SH3RF1: variants seen among roughly 807,000 people sequenced by gnomAD.
The protein encoded by SH3RF1 is SH3 domain containing ring finger 1.
In SH3RF1, 32 loss-of-function variants were observed where a neutral mutation model predicts 74.0. The observed-to-expected ratio is 0.43, with a 90% CI of 0.33 to 0.58. The LOEUF (loss-of-function observed/expected upper bound fraction) is 0.58. SH3RF1 is among the 20% of genes least tolerant of loss of function. The pLI is 0.05. For synonymous variants in SH3RF1, 396 were observed against 439.6 expected, an observed-to-expected ratio of 0.90 and a Z score of 1.24; for missense variants, 954 against 1,130.9, an observed-to-expected ratio of 0.84 and a Z score of 2.24.
chr4:169,260,193 C>A (rs931671072), intron 2 of SH3RF1, among the ~76,000 whole-genome samples: 8 of 152,206 alleles, frequency 5.3e-5, no homozygotes, highest in African/African-American at 1.9e-4. Context: ...AACTGACATA[C>A]TGCCCCTACT....
chr4:169,156,544 T>C lies in SH3RF1; in HGVS notation c.529A>G (p.Asn177Asp), dbSNP rs1171543535. Residue 177 changes from asparagine to aspartate, a missense_variant, in exon 3 of 12, where the codon AAT (asparagine) becomes GAT (aspartate). Coordinates refer to ENST00000284637, the MANE Select transcript of SH3RF1 (RefSeq NM_020870.4). Reference protein sequence around the residue: ...VDENWYHGEVNGIHGFFPTNF... With the variant: ...VDENWYHGEVDGIHGFFPTNF... ...GTGGGGAAAAAGCCATGGATTCCAT[T>C]GACTTCCCCATGGTACCAATTTTCA... 6.2e-7 allele frequency: 1 copy of C among 1,614,158 alleles called. No homozygotes were observed. Among genetic ancestry groups the C allele is most frequent in the Non-Finnish European group, 8.5e-7 (1 of 1,180,008 alleles).
chr4:169,235,401 T>G (rs9992787), intron 2 of SH3RF1, among the ~76,000 whole-genome samples: 9,408 of 152,300 alleles, frequency 0.062, 438 homozygotes, highest in Admixed American at 0.15. Flanking sequence ...TATAGTGACA[T>G]GCACACAATT....
At chr4:169,171,995 T>C (rs74698218) in intron 2 of SH3RF1, among the ~76,000 whole-genome samples, 2,641 of 152,298 alleles carry the variant, frequency 0.017, 71 homozygotes, top group African/African-American at 0.061. Flanking sequence ...GGGGAATTAA[T>C]TACAGCTACA....
rs144452780 is a variant in SH3RF1 at position 169,095,923 on chromosome 4, T to G, written c.*596A>C. 1 of 152,212 alleles carries G rather than the reference T, an allele frequency of 6.6e-6. No homozygotes were observed. Among genetic ancestry groups the G allele is most frequent in the Non-Finnish European group, 1.5e-5 (1 of 68,058 alleles). 9.4% of individuals were successfully genotyped at this position (152,212 alleles called of 1,614,324 possible). Reference sequence around the variant, plus strand: ...TCTGTCTCTCTACCCCAGGCCCTAATTGATACTGATTCATTTGTATGTTTG... The same window carrying G: ...TCTGTCTCTCTACCCCAGGCCCTAAGTGATACTGATTCATTTGTATGTTTG... On this transcript the variant is annotated 3_prime_UTR_variant, in exon 12 of 12. Transcript: ENST00000284637.
chr4:169,149,414 T>C (rs371905887), intron 4 of SH3RF1, among the ~76,000 whole-genome samples: 1 of 152,150 alleles, frequency 6.6e-6, no homozygotes, highest in Non-Finnish European at 1.5e-5. Context: ...ATCAAGTGGA[T>C]AGCATTCAGA....
At chr4:169,141,639 C>CTTT in intron 4 of SH3RF1, among the ~76,000 whole-genome samples, 1 of 139,796 alleles carries the variant, frequency 7.2e-6, no homozygotes, top group Non-Finnish European at 1.6e-5. Context: ...GATATAAATA[C>CTTT]TTTTTTTTTT....
chr4:169,228,140 TA>T (rs1225399710), intron 2 of SH3RF1, among the ~76,000 whole-genome samples: 1 of 152,216 alleles, frequency 6.6e-6, no homozygotes, highest in Non-Finnish European at 1.5e-5. Context: ...GTACATATTC[TA>T]AATGTATACC....
intron 2 of SH3RF1, among the ~76,000 whole-genome samples, chr4:169,262,149 T>C (rs1731289157): frequency 6.6e-6 from 1 of 152,298 alleles, no homozygotes. Context: ...AGAGATTTCA[T>C]AGATATAGTA....
At chr4:169,113,353 A>C (rs1002700099) in intron 10 of SH3RF1, among the ~76,000 whole-genome samples, 1 of 152,108 alleles carries the variant, frequency 6.6e-6, no homozygotes, top group African/African-American at 2.4e-5. Flanking sequence ...CAGGTGATAC[A>C]CCAGCTTTGG....
intron 2 of SH3RF1, among the ~76,000 whole-genome samples, chr4:169,234,349 T>C (rs749924349): frequency 3.5e-4 from 53 of 152,168 alleles, no homozygotes; most frequent in Admixed American, 6.5e-4. Context: ...CAGTCTAAAA[T>C]GTCAAGAGTG....
chr4:169,136,212 A>G lies in SH3RF1; in HGVS notation c.1068+106T>C, dbSNP rs141998852. The stretch of plus-strand genomic sequence containing the variant: ...GCTTCCCAGAAAAGTTACTATCTTC[A>G]GAAGTTCAAAATAAGCAATGTTTGT... On this transcript the variant is annotated intron_variant, in intron 5 of 11. Coordinates refer to ENST00000284637, the MANE Select transcript of SH3RF1 (RefSeq NM_020870.4). The G allele has an allele frequency of 4.0e-4, 484 of 1,205,214 alleles. 4 individuals are homozygous for G. The African/African-American group carries it at 6.5e-3, about 16-fold the overall frequency. 74.7% of individuals were successfully genotyped at this position (1,205,214 alleles called of 1,614,324 possible).
chr4:169,227,133 T>C (rs1248964890), intron 2 of SH3RF1, among the ~76,000 whole-genome samples: 1 of 151,120 alleles, frequency 6.6e-6, no homozygotes, highest in East Asian at 1.9e-4. Flanking sequence ...GCCACTGTAC[T>C]CCAGCCCGGG....
chr4:169,168,303 T>A lies in SH3RF1; in HGVS notation c.394-11624A>T, dbSNP rs1311284134. Among the ~76,000 whole-genome samples the A allele has an allele frequency of 2.6e-5, 4 of 152,208 alleles. No homozygotes were observed. In the East Asian group the frequency reaches 7.7e-4, roughly 29 times the overall value. On this transcript the variant is annotated intron_variant, in intron 2 of 11. Coordinates refer to ENST00000284637, the MANE Select transcript of SH3RF1 (RefSeq NM_020870.4). Reference sequence around the variant, plus strand: ...AAGGAAATTACAGAACAGAAATGATTGTACATAATGTACTGTCACTCCTAG... The same window carrying A: ...AAGGAAATTACAGAACAGAAATGATAGTACATAATGTACTGTCACTCCTAG...
chr4:169,117,834 G>T (rs1342582909), intron 8 of SH3RF1, 52 bp from the exon 9 acceptor site: 2 of 1,567,298 alleles, frequency 1.3e-6, no homozygotes, highest in Non-Finnish European at 8.7e-7. Context: ...CAAAATGACA[G>T]AAAGAACAAT....
intron 11 of SH3RF1, among the ~76,000 whole-genome samples, chr4:169,100,910 G>T (rs2126934517): frequency 6.6e-6 from 1 of 152,262 alleles, no homozygotes; most frequent in East Asian, 1.9e-4. Context: ...CTTCTAGTGG[G>T]AGTCTCCTTT....
chr4:169,106,226 C>T (rs1298424634), intron 11 of SH3RF1, among the ~76,000 whole-genome samples: 1 of 151,986 alleles, frequency 6.6e-6, no homozygotes, highest in Non-Finnish European at 1.5e-5. Context: ...GATTCTCCTG[C>T]CTCAGCTTCC....
chr4:169,228,279 G>A (rs1414118054), intron 2 of SH3RF1, among the ~76,000 whole-genome samples: 3 of 152,184 alleles, frequency 2.0e-5, no homozygotes, highest in East Asian at 1.9e-4. Flanking sequence ...TAACAAATTA[G>A]CACAAACTTC....
intron 10 of SH3RF1, among the ~76,000 whole-genome samples, chr4:169,114,953 G>A (rs898758576): frequency 6.6e-6 from 1 of 151,986 alleles, no homozygotes; most frequent in Non-Finnish European, 1.5e-5. Context: ...GAACTTCAGG[G>A]GAAATGTGTA....
chr4:169,270,237 C>G (rs770126056), intron 1 of SH3RF1, among the ~76,000 whole-genome samples: 2 of 152,256 alleles, frequency 1.3e-5, no homozygotes, highest in East Asian at 1.9e-4. Context: ...GCTGCACCCC[C>G]GCTCCCACGG....
Sources: allele counts gnomAD v4.1 joint callset (sites outside exome capture counted in the v4.1 genomes callset), GRCh38; gene constraint gnomAD v4.1.1; transcripts MANE v1.5; gene names NCBI Gene and HGNC (gene_info 2026-07-23, HGNC 2026-07-21).